KDM5B: variants seen among roughly 807,000 people sequenced by gnomAD.
The protein encoded by KDM5B is lysine demethylase 5B.
A neutral mutation model predicts 193.4 loss-of-function variants in KDM5B; 144 were observed. That is an observed-to-expected ratio of 0.74 (90% CI 0.65 to 0.86). KDM5B has a LOEUF of 0.86. Ranked by LOEUF, KDM5B falls within the 40% of genes least tolerant of loss-of-function variation. The probability of loss-of-function intolerance (pLI) is 0.00; values close to 1 mark genes in which losing one functional copy is unlikely to be tolerated. For missense variants in KDM5B, 1,833 were observed against 1,886.9 expected (o/e 0.97, Z 0.53); for synonymous variants, 668 against 682.6 (o/e 0.98, Z 0.33).
chr1:202,793,758 G>C (rs192728015), intron 1 of KDM5B, among the ~76,000 whole-genome samples: 9 of 151,938 alleles, frequency 5.9e-5, no homozygotes, highest in Non-Finnish European at 1.3e-4. Flanking sequence ...CTTTGTTCTT[G>C]TCAAAAAAAT....
At chr1:202,765,357 C>G (rs1482002459) in intron 5 of KDM5B, among the ~76,000 whole-genome samples, 3 of 152,118 alleles carry the variant, frequency 2.0e-5, no homozygotes, top group South Asian at 4.1e-4. Context: ...GCAAATAAAA[C>G]CATTTTTTGT....
intron 1 of KDM5B, chr1:202,806,752 T>C (rs1270465815): frequency 1.3e-5 from 2 of 151,378 alleles, no homozygotes; most frequent in Non-Finnish European, 2.9e-5. Context: ...CAACTCAAAA[T>C]GTCATTACAA....
At chr1:202,780,266 G>GA (rs1175802941) in intron 1 of KDM5B, among the ~76,000 whole-genome samples, 2 of 152,118 alleles carry the variant, frequency 1.3e-5, no homozygotes, top group African/African-American at 2.4e-5. Context: ...CTGCAAGCAA[G>GA]AATTGAACAT....
At chr1:202,791,017 A>C (rs1408031620) in intron 1 of KDM5B, among the ~76,000 whole-genome samples, 1 of 152,222 alleles carries the variant, frequency 6.6e-6, no homozygotes, top group Non-Finnish European at 1.5e-5. Flanking sequence ...TACTTTAAAG[A>C]GATAAGGATG....
At position 202,729,110 on chromosome 1, in the gene KDM5B, A is replaced by G; in HGVS notation, c.4561T>C (p.Ser1521Pro). Residue 1521 changes from serine (S) to proline (P), a missense_variant, in exon 27 of 27, where the codon TCC (serine) becomes CCC (proline). By Grantham distance (74) the Ser-to-Pro change is moderately conservative. Transcript: ENST00000367265. Reference sequence around the variant, plus strand: ...TCTTCTTTCTCTGCCATCTCTGGGGAGACACCAACACAGACCTGATGAAAC... The same window carrying G: ...TCTTCTTTCTCTGCCATCTCTGGGGGGACACCAACACAGACCTGATGAAAC... ...QWFHQVCVGVSPEMAEKEDYI... is the reference protein window; with the variant it reads ...QWFHQVCVGVPPEMAEKEDYI... 6.2e-7 allele frequency: 1 copy of G among 1,614,126 alleles called. No homozygotes were observed. Among genetic ancestry groups the G allele is most frequent in the South Asian group, 1.1e-5 (1 of 91,080 alleles).
intron 20 of KDM5B, among the ~76,000 whole-genome samples, chr1:202,739,537 G>C (rs572295081): frequency 6.6e-6 from 1 of 151,526 alleles, no homozygotes; most frequent in South Asian, 2.1e-4. Flanking sequence ...GAGTTGGCAG[G>C]GTCATAGGAC....
At chr1:202,773,520 T>A (rs544059644) in intron 3 of KDM5B, among the ~76,000 whole-genome samples, 39 of 152,288 alleles carry the variant, frequency 2.6e-4, no homozygotes, top group South Asian at 1.0e-3. Context: ...TTGTCCCCTC[T>A]AAGCTACTTT....
At chr1:202,755,076 T>C (rs562383380) in intron 11 of KDM5B, among the ~76,000 whole-genome samples, 195 bp downstream of exon 11, 1 of 152,356 alleles carries the variant, frequency 6.6e-6, no homozygotes, top group Admixed American at 6.5e-5. Context: ...TTTCAGGGAA[T>C]TCATGGATGC....
chr1:202,776,639 A>G (rs1040101188), intron 2 of KDM5B, among the ~76,000 whole-genome samples: 3 of 152,046 alleles, frequency 2.0e-5, no homozygotes, highest in Non-Finnish European at 4.4e-5. Context: ...ATGGCTCACT[A>G]CAGTCTTGAC....
At chr1:202,775,503 C>T (rs542706426) in intron 2 of KDM5B, among the ~76,000 whole-genome samples, 14 of 151,298 alleles carry the variant, frequency 9.3e-5, no homozygotes, top group Non-Finnish European at 1.8e-4. Context: ...TGCTACTGCA[C>T]TCCAGCCCAG....
At chr1:202,765,786 C>T (rs1457507184) in intron 5 of KDM5B, among the ~76,000 whole-genome samples, 4 of 152,136 alleles carry the variant, frequency 2.6e-5, no homozygotes, top group East Asian at 1.9e-4. Flanking sequence ...TTATTGAAAA[C>T]CAGTTACTGA....
intron 11 of KDM5B, among the ~76,000 whole-genome samples, chr1:202,753,957 C>A (rs1377151591): frequency 6.6e-6 from 1 of 152,290 alleles, no homozygotes; most frequent in South Asian, 2.1e-4. Context: ...AGCCACCATG[C>A]CCAGCCAATA....
chr1:202,804,865 C>CAAAAA (rs35989953), intron 1 of KDM5B, among the ~76,000 whole-genome samples: 43 of 78,876 alleles, frequency 5.5e-4, no homozygotes, highest in African/African-American at 1.8e-3. Flanking sequence ...AATTCCGTCT[C>CAAAAA]AAAAAAAAAA....
intron 1 of KDM5B, among the ~76,000 whole-genome samples, chr1:202,807,744 C>T (rs1014722375): frequency 4.0e-5 from 6 of 151,368 alleles, no homozygotes; most frequent in Non-Finnish European, 7.4e-5. Flanking sequence ...CCCTCCAGCC[C>T]GCGCCTCCGC....
In KDM5B at chr1:202,760,501, C is replaced by G; in HGVS notation, c.991G>C (p.Asp331His). 1 of 1,613,392 alleles carries G rather than the reference C, an allele frequency of 6.2e-7. No individual in the cohort carries two copies. Among genetic ancestry groups the G allele is most frequent in the Non-Finnish European group, 8.5e-7 (1 of 1,179,524 alleles). Residue 331 changes from aspartate (D) to histidine (H), a missense_variant, in exon 8 of 27, where the codon GAT (aspartate) becomes CAT (histidine). Coordinates refer to ENST00000367265, the MANE Select transcript of KDM5B (RefSeq NM_006618.5). ...EDRLLLCDGC[D>H]DSYHTFCLIP... ...AAGCAAAAGGTATGGTAACTGTCAT[C>G]ACAGCCATCACACAACAGTAGCCGG...
chr1:202,750,699 A>G lies in KDM5B; in HGVS notation c.1781T>C (p.Phe594Ser). The change falls in exon 13 of 27, where the codon TTT (phenylalanine) becomes TCT (serine). Residue 594 changes from phenylalanine (F) to serine (S), a missense_variant. By Grantham distance (155) the Phe-to-Ser change is radical. Transcript: ENST00000367265. ...RAYHSGFNQG[F>S]NFAEAVNFCT... is the part of the protein sequence containing the mutation. The stretch of plus-strand genomic sequence containing the variant: ...GAAGTTAACAGCCTCAGCAAAATTA[A>G]AACCCTGGTTAAAACCACTGTGGTA... The G allele has an allele frequency of 6.2e-7, 1 of 1,614,080 alleles. No individual in the cohort carries two copies. Among genetic ancestry groups the G allele is most frequent in the Non-Finnish European group, 8.5e-7 (1 of 1,179,916 alleles).
At chr1:202,789,052 A>C (rs1657528082) in intron 1 of KDM5B, among the ~76,000 whole-genome samples, 1 of 152,158 alleles carries the variant, frequency 6.6e-6, no homozygotes, top group African/African-American at 2.4e-5. Flanking sequence ...CCACACCCTA[A>C]CTTTAAGGCC....
At chr1:202,795,562 G>C (rs1323794984) in intron 1 of KDM5B, among the ~76,000 whole-genome samples, 3 of 151,260 alleles carry the variant, frequency 2.0e-5, no homozygotes, top group African/African-American at 7.3e-5. Flanking sequence ...TGAGGCAGGA[G>C]AATCACTTGA....
chr1:202,778,653 C>T (rs765882263), intron 1 of KDM5B, among the ~76,000 whole-genome samples: 9 of 152,094 alleles, frequency 5.9e-5, no homozygotes, highest in Non-Finnish European at 1.3e-4. Context: ...GACAGAGTTT[C>T]GCTCTGTCAC....
Sources: gnomAD v4.1 joint callset for allele counts (sites outside exome capture counted in the v4.1 genomes callset) on GRCh38, gnomAD v4.1.1 for gene constraint, MANE v1.5 for transcripts, NCBI Gene and HGNC (gene_info 2026-07-23, HGNC 2026-07-21) for gene names.